TRMT10A: variants seen among roughly 807,000 people sequenced by gnomAD.
TRMT10A encodes tRNA methyltransferase 10A.
Under a neutral mutation model 40.4 loss-of-function variants are expected in TRMT10A, and 37 were observed. The ratio of observed to expected loss-of-function variants is 0.92; its 90% CI spans 0.71 to 1.21. The LOEUF is 1.21. Ranked by LOEUF, TRMT10A falls within the 50% of genes most tolerant of loss-of-function variation. The probability of loss-of-function intolerance (pLI) is 0.00; values close to 1 mark genes in which losing one functional copy is unlikely to be tolerated. For synonymous variants in TRMT10A, 103 were observed against 134.1 expected, an observed-to-expected ratio of 0.77 and a Z score of 1.60; for missense variants, 388 against 404.3, an observed-to-expected ratio of 0.96 and a Z score of 0.35.
intron 4 of TRMT10A, 26 bp from the exon 5 acceptor site, chr4:99,556,246 A>G: frequency 6.3e-7 from 1 of 1,587,816 alleles, no homozygotes; most frequent in South Asian, 1.1e-5. Context: ...TAAGTATAGA[A>G]AAAGAGAACA....
chr4:99,554,011 C>A, intron 5 of TRMT10A, 77 bp from the exon 6 acceptor site: 1 of 1,432,568 alleles, frequency 7.0e-7, no homozygotes. Flanking sequence ...ATTCTCTTTT[C>A]CCAAAACAAA....
At position 99,553,908 on chromosome 4, in the gene TRMT10A, A is replaced by G. The variant is rs1342855291; in HGVS notation, c.522T>C (p.Tyr174=). ...WKDIHIKPEH[Y]SELIKKEDLI... ...GGTCTTCTTTCTTTATGAGTTCACT[A>G]TAGTGCTCTGGTTTGATATGGATAT... The change falls in exon 6 of 8, where the codon TAT becomes TAC. Residue 174 remains tyrosine, a synonymous_variant. Coordinates refer to ENST00000394876, the MANE Select transcript of TRMT10A (RefSeq NM_001134665.3). The G allele has an allele frequency of 1.2e-6, 2 of 1,613,426 alleles. No individual in the cohort carries two copies. Among genetic ancestry groups the G allele is most frequent in the Admixed American group, 1.7e-5 (1 of 59,986 alleles).
chr4:99,557,921 G>C, intron 3 of TRMT10A, 128 bp downstream of exon 3: 1 of 868,230 alleles, frequency 1.2e-6, no homozygotes, highest in South Asian at 2.0e-5. Flanking sequence ...TTTAACTTAG[G>C]GGAAAGTTTG....
chr4:99,548,599 C>A lies in TRMT10A; in HGVS notation c.*489G>T, dbSNP rs540293132. On this transcript the variant is annotated 3_prime_UTR_variant, in exon 8 of 8. Coordinates refer to ENST00000394876, the MANE Select transcript of TRMT10A (RefSeq NM_001134665.3). ...TACTTCTTCCTAAAATTACTACATT[C>A]TTTCAAGTAACTAATTTAAACATAA... 2 of 152,472 alleles carry A rather than the reference C, an allele frequency of 1.3e-5. No individual in the cohort carries two copies. The highest frequency in any genetic ancestry group is 3.9e-4 in the East Asian group (2 of 5,190). 9.4% of individuals were successfully genotyped at this position (152,472 alleles called of 1,614,324 possible).
chr4:99,562,590 A>G (rs555548595), intron 1 of TRMT10A, among the ~76,000 whole-genome samples: 2 of 137,070 alleles, frequency 1.5e-5, no homozygotes, highest in South Asian at 4.5e-4. Context: ...CAGTGGCGCA[A>G]TCTCGGCTCA....
chr4:99,557,307 A>C, intron 4 of TRMT10A, 38 bp downstream of exon 4: 1 of 1,582,286 alleles, frequency 6.3e-7, no homozygotes, highest in Non-Finnish European at 8.6e-7. Flanking sequence ...AAAGACATAA[A>C]AGAAAACTAG....
chr4:99,555,374 C>T (rs1281514714), intron 5 of TRMT10A, among the ~76,000 whole-genome samples: 2 of 152,112 alleles, frequency 1.3e-5, no homozygotes, highest in African/African-American at 2.4e-5. Context: ...AGGGATAACC[C>T]AGTACTTCCC....
At chr4:99,560,334 G>A (rs1443200211) in intron 1 of TRMT10A, among the ~76,000 whole-genome samples, 2 of 152,038 alleles carry the variant, frequency 1.3e-5, no homozygotes, top group Non-Finnish European at 2.9e-5. Context: ...CAGAATCAGT[G>A]AAAAAGAATC....
intron 7 of TRMT10A, among the ~76,000 whole-genome samples, chr4:99,549,897 T>A (rs1441456994): frequency 3.9e-5 from 6 of 152,228 alleles, no homozygotes; most frequent in Non-Finnish European, 1.5e-5. Context: ...CTACTATATA[T>A]CAAAGGTTTT....
Position 99,549,234 on chromosome 4 carries a change from T to C in TRMT10A, c.874A>G (p.Asn292Asp). Residue 292 changes from asparagine (N) to aspartate (D), a missense_variant, in exon 8 of 8, where the codon AAT becomes GAT. Physicochemically the swap from Asn to Asp is conservative, Grantham distance 23. Transcript: ENST00000394876. Reference sequence around the variant, plus strand: ...CCTTCCTCCATCCTGACAGACTGATTGTCATGAGAAGCACTTTCACAGGCT... The same window carrying C: ...CCTTCCTCCATCCTGACAGACTGATCGTCATGAGAAGCACTTTCACAGGCT... ...DKACESASHD[N>D]QSVRMEEGGS... 6.2e-7 allele frequency: 1 copy of C among 1,614,118 alleles called. No individual in the cohort carries two copies. The highest frequency in any genetic ancestry group is 1.1e-5 in the South Asian group (1 of 91,082).
At chr4:99,561,446 A>G (rs1724391225) in intron 1 of TRMT10A, among the ~76,000 whole-genome samples, 1 of 152,188 alleles carries the variant, frequency 6.6e-6, no homozygotes, top group African/African-American at 2.4e-5. Context: ...CTTCATCATC[A>G]TCATCATCAT....
intron 6 of TRMT10A, among the ~76,000 whole-genome samples, chr4:99,552,008 T>C (rs1474877047): frequency 6.6e-6 from 1 of 152,102 alleles, no homozygotes; most frequent in African/African-American, 2.4e-5. Flanking sequence ...AAAATATTTT[T>C]GTACAGCTGT....
In TRMT10A at chr4:99,563,808, C is replaced by A. The variant is rs1241523801; in HGVS notation, c.-24+105G>T. The A allele has an allele frequency of 4.9e-6, 3 of 612,334 alleles. No individual in the cohort carries two copies. The East Asian group carries it at 1.0e-4, about 21-fold the overall frequency. 37.9% of individuals were successfully genotyped at this position (612,334 alleles called of 1,614,324 possible). ...ACTTCCACACCACTGCTCCCCTCTC[C>A]CCCGGAAGCCCTTGTTGCTAGTAGG... On this transcript the variant is annotated intron_variant, in intron 1 of 7. Transcript: ENST00000394876.
intron 2 of TRMT10A, among the ~76,000 whole-genome samples, chr4:99,558,937 T>A (rs1224476792): frequency 6.6e-6 from 1 of 152,154 alleles, no homozygotes; most frequent in Non-Finnish European, 1.5e-5. Flanking sequence ...CAAACAATTT[T>A]AAAAAATAGT....
chr4:99,563,215 G>C (rs1436316299), intron 1 of TRMT10A, among the ~76,000 whole-genome samples: 2 of 152,222 alleles, frequency 1.3e-5, no homozygotes, highest in African/African-American at 2.4e-5. Flanking sequence ...CAGAGGGTTG[G>C]GAATGGAAGG....
intron 4 of TRMT10A, among the ~76,000 whole-genome samples, chr4:99,556,440 T>C (rs1410477212): frequency 6.6e-6 from 1 of 152,166 alleles, no homozygotes; most frequent in Non-Finnish European, 1.5e-5. Context: ...AGCTGCAGTA[T>C]CCCATTTACA....
In TRMT10A at chr4:99,549,166, A is replaced by G; in HGVS notation, c.942T>C (p.Asn314=). ...TTTCTTCATGTGGTGAATCTAGTTC[A>G]TTTCTGCTATATTCCTCCTCACTGG... The part of the protein sequence containing the change: ...SDSSEEEYSR[N]ELDSPHEEKQ... Residue 314 remains asparagine (N), a synonymous_variant, in exon 8 of 8, where the codon AAT becomes AAC. Coordinates refer to ENST00000394876, the MANE Select transcript of TRMT10A (RefSeq NM_001134665.3). 1 of 1,614,028 alleles carries G rather than the reference A, an allele frequency of 6.2e-7. No homozygotes were observed. The highest frequency in any genetic ancestry group is 2.2e-5 in the East Asian group (1 of 44,860).
At chr4:99,549,412 C>T in intron 7 of TRMT10A, 56 bp from the exon 8 acceptor site, 2 of 1,583,074 alleles carry the variant, frequency 1.3e-6, no homozygotes, top group Non-Finnish European at 1.7e-6. Context: ...CAATGCTGCA[C>T]AATGTCTTTT....
intron 1 of TRMT10A, 163 bp downstream of exon 1, chr4:99,563,750 T>TA: frequency 2.3e-6 from 1 of 431,698 alleles, no homozygotes; most frequent in Non-Finnish European, 4.5e-6. Context: ...GTCATCGACG[T>TA]CATTTCCTTC....
Sources: allele counts gnomAD v4.1 joint callset (sites outside exome capture counted in the v4.1 genomes callset), GRCh38; gene constraint gnomAD v4.1.1; transcripts MANE v1.5; gene names NCBI Gene and HGNC (gene_info 2026-07-23, HGNC 2026-07-21).